Variants in ATG10 observed in about 807,000 individuals in gnomAD.
The protein encoded by ATG10 is autophagy related 10.
Under a neutral mutation model 32.1 loss-of-function variants are expected in ATG10, and 30 were observed. The ratio of observed to expected loss-of-function variants is 0.94; its 90% CI spans 0.70 to 1.27. ATG10 has a LOEUF of 1.27. ATG10 is among the 50% of genes most tolerant of loss of function. The pLI is 0.00. For synonymous variants in ATG10, 87 were observed against 91.5 expected (o/e 0.95, Z 0.28); for missense variants, 233 against 262.3 (o/e 0.89, Z 0.77).
intron 2 of ATG10, among the ~76,000 whole-genome samples, chr5:82,011,271 C>G (rs772007527): frequency 7.6e-4 from 115 of 152,132 alleles, no homozygotes; most frequent in Non-Finnish European, 1.3e-3. Context: ...CATTCCTCTG[C>G]CTCAATACAT....
chr5:82,100,000 G>GTTTTGTTTTTTTTT (rs1765206733), intron 3 of ATG10, among the ~76,000 whole-genome samples: 1 of 58,940 alleles, frequency 1.7e-5, no homozygotes, highest in Non-Finnish European at 3.1e-5. Context: ...CTTTTTCTGT[G>GTTTTGTTTTTTTTT]TTTTTTTTTT....
At chr5:82,077,029 A>T (rs979689778) in intron 3 of ATG10, among the ~76,000 whole-genome samples, 1 of 152,198 alleles carries the variant, frequency 6.6e-6, no homozygotes, top group African/African-American at 2.4e-5. Flanking sequence ...GGAGAACAAT[A>T]ATTTTGAGAT....
At chr5:82,010,131 G>A (rs984188094) in intron 2 of ATG10, 1 of 1,485,174 alleles carries the variant, frequency 6.7e-7, no homozygotes, top group Non-Finnish European at 9.4e-7. Flanking sequence ...GGCGTCATCT[G>A]CAAAGCCGCT....
At chr5:82,072,474 G>T (rs1764159355) in intron 3 of ATG10, among the ~76,000 whole-genome samples, 1 of 151,976 alleles carries the variant, frequency 6.6e-6, no homozygotes, top group African/African-American at 2.4e-5. Context: ...CTTTCCCAGG[G>T]GATGATTTTG....
At chr5:82,147,249 A>C (rs1767394141) in intron 3 of ATG10, 1 of 233,518 alleles carries the variant, frequency 4.3e-6, no homozygotes, top group Non-Finnish European at 8.9e-6. Context: ...GCTCACTGCA[A>C]CCTCCGCCTT....
chr5:82,096,468 A>C (rs1274282887), intron 3 of ATG10, among the ~76,000 whole-genome samples: 1 of 151,966 alleles, frequency 6.6e-6, no homozygotes. Context: ...TAGTATCAAT[A>C]CTCCTTTGCA....
At chr5:82,244,379 G>A (rs1746935025) in intron 5 of ATG10, among the ~76,000 whole-genome samples, 2 of 152,110 alleles carry the variant, frequency 1.3e-5, no homozygotes, top group Non-Finnish European at 2.9e-5. Context: ...CTCACTACAT[G>A]GATGACCTTA....
chr5:82,201,187 A>T (rs1745057259), intron 5 of ATG10, among the ~76,000 whole-genome samples: 1 of 152,054 alleles, frequency 6.6e-6, no homozygotes, highest in Non-Finnish European at 1.5e-5. Flanking sequence ...GCCCGGCCTA[A>T]AAATATATTT....
chr5:82,073,782 G>A (rs1351196997), intron 3 of ATG10: 1 of 152,232 alleles, frequency 6.6e-6, no homozygotes, highest in Non-Finnish European at 1.5e-5. Context: ...GGAGAAAGAT[G>A]TCATTACAAT....
At chr5:82,186,423 G>C (rs894870645) in intron 5 of ATG10, among the ~76,000 whole-genome samples, 2 of 152,098 alleles carry the variant, frequency 1.3e-5, no homozygotes, top group African/African-American at 2.4e-5. Context: ...TACTCTGTTT[G>C]TTATATCCTT....
intron 2 of ATG10, among the ~76,000 whole-genome samples, chr5:81,995,875 T>G (rs1761649986): frequency 1.3e-5 from 2 of 152,216 alleles, no homozygotes; most frequent in Admixed American, 1.3e-4. Context: ...GAGAATTGCT[T>G]GCATGGATTT....
At chr5:82,218,209 TAAC>T (rs759855114) in intron 5 of ATG10, among the ~76,000 whole-genome samples, 9 of 152,186 alleles carry the variant, frequency 5.9e-5, no homozygotes, top group East Asian at 1.9e-4. Context: ...CTACTAGTGA[TAAC>T]AACAAGTTCC....
rs548662818 is a variant in ATG10 at position 82,255,067 on chromosome 5, C to A, written c.*1004C>A. ...AGGAGATATTTAAACATTAAAATTT[C>A]TTTTTGACCTATAGTAATAAAACAA... On this transcript the variant is annotated 3_prime_UTR_variant, in exon 8 of 8. Transcript: ENST00000282185. 54 of 152,208 alleles carry A rather than the reference C, an allele frequency of 3.5e-4. No homozygotes were observed. Among genetic ancestry groups the A allele is most frequent in the African/African-American group, 1.2e-3 (51 of 41,534 alleles). 9.4% of individuals were successfully genotyped at this position (152,208 alleles called of 1,614,324 possible).
At chr5:82,038,910 T>C (rs1302024475) in intron 2 of ATG10, among the ~76,000 whole-genome samples, 1 of 152,244 alleles carries the variant, frequency 6.6e-6, no homozygotes, top group Non-Finnish European at 1.5e-5. Context: ...TGCTGTGGCA[T>C]GATCATAGCT....
chr5:81,993,360 C>CTTTCTTTCTTTCCTTCTTTCTTTCT, intron 2 of ATG10, among the ~76,000 whole-genome samples: 1 of 46,772 alleles, frequency 2.1e-5, no homozygotes. Context: ...TCTTTCTTTC[C>CTTTCTTTCTTTCCTTCTTTCTTTCT]TTCTTTTCTT....
In ATG10 at chr5:82,144,193, T is replaced by C. The variant is rs571873700; in HGVS notation, c.217-20206T>C. Among the ~76,000 whole-genome samples the C allele has an allele frequency of 1.1e-4, 16 of 152,252 alleles. No individual in the cohort carries two copies. In the East Asian group the frequency reaches 3.1e-3, roughly 29 times the overall value. On this transcript the variant is annotated intron_variant, in intron 3 of 7. Coordinates refer to ENST00000282185, the MANE Select transcript of ATG10 (RefSeq NM_031482.5). The stretch of plus-strand genomic sequence containing the variant: ...GATAATCCTTTTTTCATTTCTGGTT[T>C]TGATGATTTTTGTCCTCTCTACTTT...
intron 3 of ATG10, among the ~76,000 whole-genome samples, chr5:82,154,417 A>G (rs926300252): frequency 6.6e-6 from 1 of 152,216 alleles, no homozygotes; most frequent in South Asian, 2.1e-4. Context: ...ATTAATTAGT[A>G]TACCTATGTG....
At chr5:82,180,468 G>A (rs1421611396) in intron 5 of ATG10, among the ~76,000 whole-genome samples, 1 of 152,126 alleles carries the variant, frequency 6.6e-6, no homozygotes, top group Non-Finnish European at 1.5e-5. Context: ...TGAAATATGA[G>A]AAAACCAACC....
At chr5:82,056,427 A>AG (rs1285407300) in intron 2 of ATG10, among the ~76,000 whole-genome samples, 1 of 132,834 alleles carries the variant, frequency 7.5e-6, no homozygotes, top group Non-Finnish European at 1.6e-5. Flanking sequence ...GATGGCTGCC[A>AG]GGTTTTTTTT....
Sources: allele counts gnomAD v4.1 joint callset (sites outside exome capture counted in the v4.1 genomes callset), GRCh38; gene constraint gnomAD v4.1.1; transcripts MANE v1.5; gene names NCBI Gene and HGNC (gene_info 2026-07-23, HGNC 2026-07-21).